The following CTNND2 variants were observed in gnomAD, a reference collection of about 807,000 sequenced individuals.
CTNND2 encodes the protein catenin delta 2.
In CTNND2, 22 loss-of-function variants were observed where a neutral mutation model predicts 144.4. The observed-to-expected ratio is 0.15, with a 90% CI of 0.11 to 0.22. The LOEUF (loss-of-function observed/expected upper bound fraction) is 0.22, where lower values mean the gene tolerates loss of function less well. CTNND2 is among the 10% of genes least tolerant of loss of function. CTNND2 has a pLI of 1.00. For missense variants in CTNND2, 1,353 were observed against 1,618.8 expected, an observed-to-expected ratio of 0.84 and a Z score of 2.82; for synonymous variants, 751 against 695.6, an observed-to-expected ratio of 1.08 and a Z score of -1.25.
At chr5:11,390,465 C>T (rs1227989544) in intron 6 of CTNND2, among the ~76,000 whole-genome samples, 1 of 152,112 alleles carries the variant, frequency 6.6e-6, no homozygotes, top group Admixed American at 6.6e-5. Context: ...AACAAATCCC[C>T]CCAATGCTTA....
intron 11 of CTNND2, among the ~76,000 whole-genome samples, chr5:11,163,226 T>C (rs1335252327): frequency 6.6e-6 from 1 of 152,134 alleles, no homozygotes; most frequent in African/African-American, 2.4e-5. Flanking sequence ...TGTGGCTCCC[T>C]CCAAACCCTC....
chr5:11,620,282 A>G (rs1581618916), intron 2 of CTNND2, among the ~76,000 whole-genome samples: 1 of 152,012 alleles, frequency 6.6e-6, no homozygotes, highest in Admixed American at 6.6e-5. Context: ...CCAACAGCCT[A>G]CCTTTCATAT....
intron 15 of CTNND2, 34 bp from the exon 16 acceptor site, chr5:11,082,880 A>G (rs1561276528): frequency 1.9e-6 from 3 of 1,605,940 alleles, no homozygotes; most frequent in Middle Eastern, 1.7e-4. Flanking sequence ...GGCGTTAGAA[A>G]CAGGAAGAAA....
intron 3 of CTNND2, among the ~76,000 whole-genome samples, chr5:11,446,751 C>T (rs905196318): frequency 3.9e-5 from 6 of 151,978 alleles, no homozygotes; most frequent in African/African-American, 1.5e-4. Context: ...CTGGGCCGGC[C>T]CCTGCAGAGA....
At chr5:11,680,366 T>C (rs1784373637) in intron 2 of CTNND2, among the ~76,000 whole-genome samples, 1 of 152,104 alleles carries the variant, frequency 6.6e-6, no homozygotes, top group Admixed American at 6.6e-5. Context: ...TGGAGACATT[T>C]TGGTTGTCAT....
At chr5:11,113,214 T>C (rs1753184473) in intron 13 of CTNND2, among the ~76,000 whole-genome samples, 2 of 152,138 alleles carry the variant, frequency 1.3e-5, no homozygotes, top group Non-Finnish European at 2.9e-5. Context: ...GTTAATAAGC[T>C]CACAGATACA....
At chr5:11,653,047 C>CT (rs887358338) in intron 2 of CTNND2, among the ~76,000 whole-genome samples, 2 of 149,332 alleles carry the variant, frequency 1.3e-5, no homozygotes, top group African/African-American at 5.0e-5. Context: ...GAATTTCCTT[C>CT]TTTTTTAAGG....
At chr5:11,002,481 G>T (rs947051508) in intron 18 of CTNND2, among the ~76,000 whole-genome samples, 1 of 152,234 alleles carries the variant, frequency 6.6e-6, no homozygotes, top group Non-Finnish European at 1.5e-5. Context: ...ATTAGGGAGA[G>T]AAGTTGGCTC....
chr5:11,844,509 C>T (rs1794642411), intron 1 of CTNND2, among the ~76,000 whole-genome samples: 1 of 152,088 alleles, frequency 6.6e-6, no homozygotes, highest in Non-Finnish European at 1.5e-5. Context: ...AAGCAATCAT[C>T]AGTTATACTT....
chr5:11,589,312 C>CACA (rs761346317), intron 2 of CTNND2, among the ~76,000 whole-genome samples: 3 of 149,298 alleles, frequency 2.0e-5, no homozygotes, highest in Non-Finnish European at 4.5e-5. Context: ...CACACACACA[C>CACA]GACAACAACA....
At chr5:11,414,318 T>C (rs184083264) in intron 3 of CTNND2, among the ~76,000 whole-genome samples, 2 of 152,304 alleles carry the variant, frequency 1.3e-5, no homozygotes, top group East Asian at 1.9e-4. Context: ...CCAGTTGTGG[T>C]AATTTGTTAT....
chr5:11,262,623 G>C (rs986636616), intron 9 of CTNND2, among the ~76,000 whole-genome samples: 1 of 151,466 alleles, frequency 6.6e-6, no homozygotes, highest in Non-Finnish European at 1.5e-5. Context: ...TTAGCTGGGC[G>C]TGGTGGCGGG....
chr5:11,390,235 C>A (rs374581640), intron 6 of CTNND2, among the ~76,000 whole-genome samples: 2 of 152,328 alleles, frequency 1.3e-5, no homozygotes, highest in East Asian at 3.9e-4. Context: ...AATTAAGACA[C>A]TGTTCTTTGG....
At position 11,565,131 on chromosome 5, in the gene CTNND2, G is replaced by A. The variant is rs774587044; in HGVS notation, c.175-75C>T. The A allele has an allele frequency of 1.4e-4, 130 of 902,438 alleles. No individual in the cohort carries two copies. In the Middle Eastern group the frequency reaches 1.7e-3, roughly 12 times the overall value. The allele number at this position is 902,438 out of a possible 1,614,324, so 55.9% of individuals were successfully genotyped here. A position where few individuals can be genotyped will look rare whatever the true frequency, so the allele number is the denominator to read the frequency against. On this transcript the variant is annotated intron_variant, in intron 2 of 21. Transcript: ENST00000304623. ...GAAATTCAGACCAAAATAATAGGAC[G>A]GCTGAGGGAGAAAAATATGATTTTC... is the stretch of plus-strand genomic sequence containing the variant.
chr5:11,403,165 C>A (rs1425614904), intron 5 of CTNND2, among the ~76,000 whole-genome samples: 1 of 152,154 alleles, frequency 6.6e-6, no homozygotes, highest in African/African-American at 2.4e-5. Context: ...TTAAGCCCTG[C>A]ATGCATTAGA....
chr5:11,048,885 T>C (rs1745550485), intron 16 of CTNND2, among the ~76,000 whole-genome samples: 1 of 152,204 alleles, frequency 6.6e-6, no homozygotes, highest in Non-Finnish European at 1.5e-5. Flanking sequence ...GCACTGTTGA[T>C]ATTTTGGGCT....
At chr5:11,745,753 A>C (rs1196472655) in intron 1 of CTNND2, among the ~76,000 whole-genome samples, 3 of 152,100 alleles carry the variant, frequency 2.0e-5, no homozygotes, top group African/African-American at 7.2e-5. Context: ...TAAAAGAGTC[A>C]ATCTTCCTTA....
At chr5:11,478,034 G>A (rs1300291822) in intron 3 of CTNND2, among the ~76,000 whole-genome samples, 1 of 152,166 alleles carries the variant, frequency 6.6e-6, no homozygotes, top group African/African-American at 2.4e-5. Flanking sequence ...AAACAACAAC[G>A]ACATGACTTG....
At chr5:11,401,665 A>C (rs754690483) in intron 5 of CTNND2, among the ~76,000 whole-genome samples, 5 of 152,176 alleles carry the variant, frequency 3.3e-5, no homozygotes, top group Non-Finnish European at 4.4e-5. Context: ...TAACCCATTC[A>C]ATTTTAATGA....
Sources: allele counts gnomAD v4.1 joint callset (sites outside exome capture counted in the v4.1 genomes callset), GRCh38; gene constraint gnomAD v4.1.1; transcripts MANE v1.5; gene names NCBI Gene and HGNC (gene_info 2026-07-23, HGNC 2026-07-21).